LRP12: variants seen among roughly 807,000 people sequenced by gnomAD.
The protein encoded by LRP12 is low-density lipoprotein receptor-related protein 12.
A neutral mutation model predicts 66.0 loss-of-function variants in LRP12; 14 were observed. The observed-to-expected ratio is 0.21, with a 90% CI of 0.14 to 0.33. The LOEUF (loss-of-function observed/expected upper bound fraction) is 0.33, where lower values mean the gene tolerates loss of function less well. LRP12 is among the 10% of genes least tolerant of loss of function. The pLI is 1.00. For missense variants in LRP12, 889 were observed against 1,053.4 expected, an observed-to-expected ratio of 0.84 and a Z score of 2.16; for synonymous variants, 357 against 359.1, an observed-to-expected ratio of 0.99 and a Z score of 0.07.
chr8:104,540,339 A>T (rs1811456592), intron 1 of LRP12, among the ~76,000 whole-genome samples: 1 of 152,044 alleles, frequency 6.6e-6, no homozygotes, highest in African/African-American at 2.4e-5. Context: ...TGTTTAAACC[A>T]CCCAGTCTGT....
chr8:104,586,021 A>G (rs1304451854), intron 1 of LRP12, among the ~76,000 whole-genome samples: 1 of 152,190 alleles, frequency 6.6e-6, no homozygotes, highest in African/African-American at 2.4e-5. Flanking sequence ...GGTTGTCACC[A>G]CTGATATTTT....
Position 104,490,765 on chromosome 8 carries a change from C to A in LRP12, c.2488G>T (p.Gly830Cys). The A allele has an allele frequency of 3.1e-6, 5 of 1,614,040 alleles. No individual in the cohort carries two copies. Among genetic ancestry groups the A allele is most frequent in the Non-Finnish European group, 4.2e-6 (5 of 1,179,998 alleles). The change falls in exon 7 of 7, where the codon GGT becomes TGT. Residue 830 changes from glycine (G) to cysteine (C), a missense_variant. By Grantham distance (159) the Gly-to-Cys change is radical. Transcript: ENST00000276654. ...SNRDGPCERC[G>C]IVHTAQIPDT... ...GGTATCTGGGCAGTGTGGACAATACCACAGCGCTCACAGGGGCCATCTCGA... is the reference window on the plus strand; with the variant it reads ...GGTATCTGGGCAGTGTGGACAATACAACAGCGCTCACAGGGGCCATCTCGA...
intron 1 of LRP12, among the ~76,000 whole-genome samples, chr8:104,545,031 G>A (rs1255576660): frequency 2.0e-5 from 3 of 152,122 alleles, no homozygotes; most frequent in Non-Finnish European, 4.4e-5. Flanking sequence ...TGATTCCATT[G>A]GAGGTCAATG....
intron 2 of LRP12, among the ~76,000 whole-genome samples, chr8:104,525,562 T>C (rs1015412322): frequency 1.3e-5 from 2 of 152,172 alleles, no homozygotes; most frequent in Non-Finnish European, 2.9e-5. Flanking sequence ...ATACTATGCC[T>C]AATAAGAAAA....
chr8:104,497,236 C>T lies in LRP12; in HGVS notation c.1316G>A (p.Cys439Tyr). 1 of 1,613,694 alleles carries T rather than the reference C, an allele frequency of 6.2e-7. No homozygotes were observed. The change falls in exon 5 of 7, where the codon TGC (cysteine) becomes TAC (tyrosine). Residue 439 changes from cysteine (C) to tyrosine (Y), a missense_variant. By Grantham distance (194) the Cys-to-Tyr change is radical (BLOSUM62 -2). Transcript: ENST00000276654. This position sits in a 1 kb window ranked among gnomAD's most constrained non-coding sequence, Gnocchi z 4.3. ...GTTTTTTTCATCTGAGCCATTTGGGCAATGATTCTGGTAGTTGCAGCGATC... is the reference window on the plus strand; with the variant it reads ...GTTTTTTTCATCTGAGCCATTTGGGTAATGATTCTGGTAGTTGCAGCGATC... ...RSDRCNYQNH[C>Y]PNGSDEKNCF...
intron 2 of LRP12, among the ~76,000 whole-genome samples, chr8:104,525,694 TA>T (rs1811223992): frequency 6.6e-6 from 1 of 152,134 alleles, no homozygotes; most frequent in Non-Finnish European, 1.5e-5. Flanking sequence ...CCATATTATA[TA>T]AGAGCTATGA....
chr8:104,588,970 ACGCCGCCGCCGCCGCCGCCGCCGC>A lies in LRP12; in HGVS notation c.-97_-74del. 1.2e-5 allele frequency: 7 copies of A among 600,566 alleles called. 1 individual carries two copies. The Admixed American group carries it at 1.7e-4, about 15-fold the overall frequency. 37.2% of individuals were successfully genotyped at this position (600,566 alleles called of 1,614,324 possible). On this transcript the variant is annotated 5_prime_UTR_variant, in exon 1 of 7. Coordinates refer to ENST00000276654, the MANE Select transcript of LRP12 (RefSeq NM_013437.5). ...GAGAAGCTGGAGGTAGACGACGCCGACGCCGCCGCCGCCGCCGCCGCCGCCGCCGAGCCACCGGCTGCTCCCTGC... is the reference window on the plus strand; with the variant it reads ...GAGAAGCTGGAGGTAGACGACGCCGACGCCGAGCCACCGGCTGCTCCCTGC...
chr8:104,509,073 A>G lies in LRP12; in HGVS notation c.138T>C (p.Ala46=). The G allele has an allele frequency of 1.2e-6, 2 of 1,612,570 alleles. No individual in the cohort carries two copies. The highest frequency in any genetic ancestry group is 1.7e-6 in the Non-Finnish European group (2 of 1,179,204). ...ENVHISGVST[A]CGETPEQIRA... is the part of the protein sequence containing the mutation. ...GTATTTGCTCTGGAGTCTCTCCACAAGCTGGAAGATAGCCAAAGCAATCTT... is the reference window on the plus strand; with the variant it reads ...GTATTTGCTCTGGAGTCTCTCCACAGGCTGGAAGATAGCCAAAGCAATCTT... Residue 46 remains alanine, a splice_region_variant and synonymous_variant, in exon 3 of 7, where the codon GCT becomes GCC. Coordinates refer to ENST00000276654, the MANE Select transcript of LRP12 (RefSeq NM_013437.5).
intron 1 of LRP12, among the ~76,000 whole-genome samples, chr8:104,577,278 G>A (rs897208270): frequency 6.6e-6 from 1 of 152,116 alleles, no homozygotes; most frequent in African/African-American, 2.4e-5. Context: ...GAATATACAT[G>A]TTTCTCATTG....
intron 1 of LRP12, among the ~76,000 whole-genome samples, chr8:104,583,798 G>A (rs1007026177): frequency 6.6e-6 from 1 of 152,084 alleles, no homozygotes; most frequent in Admixed American, 6.6e-5. Flanking sequence ...ATATCTGACA[G>A]GATTGCCAAA....
At chr8:104,501,164 T>C (rs538091803) in intron 3 of LRP12, among the ~76,000 whole-genome samples, 2 of 152,292 alleles carry the variant, frequency 1.3e-5, no homozygotes, top group African/African-American at 4.8e-5. Flanking sequence ...GGGGCATGTA[T>C]GTTATGTGAG....
At chr8:104,503,010 C>A (rs963711157) in intron 3 of LRP12, among the ~76,000 whole-genome samples, 10 of 152,004 alleles carry the variant, frequency 6.6e-5, no homozygotes, top group East Asian at 1.9e-4. Flanking sequence ...CAAGGTGAAA[C>A]CCTATCTCTA....
rs1039554955 is a variant in LRP12, at chr8:104,548,026, T to C, written c.80-16063A>G. Among the ~76,000 whole-genome samples the C allele has an allele frequency of 5.7e-5, 7 of 122,816 alleles. 1 individual carries two copies. The highest frequency in any genetic ancestry group is 1.8e-4 in the African/African-American group (6 of 32,956). The allele number at this position is 122,816 out of a possible 152,430, so 80.6% of individuals were successfully genotyped here. On this transcript the variant is annotated intron_variant, in intron 1 of 6. Transcript: ENST00000276654. ...TATAATATATAATTGTTATATTTTG[T>C]ATATAATATATAATTCTGTTATATT...
Position 104,491,181 on chromosome 8 carries a change from G to A in LRP12, c.2072C>T (p.Ala691Val), listed in dbSNP as rs1469233348. ...ACTCTGAGTTGAGGAACTTGCACAT[G>A]CTCCTACTGTCGCTTCTACTGCCGT... The part of the protein sequence containing the change: ...PTTAVEATVG[A>V]CASSSTQSTR... The change falls in exon 7 of 7, where the codon GCA becomes GTA. Residue 691 changes from alanine (A) to valine (V), a missense_variant. By Grantham distance (64) the Ala-to-Val change is moderately conservative. Transcript: ENST00000276654. 6.2e-7 allele frequency: 1 copy of A among 1,614,064 alleles called. No individual in the cohort carries two copies. The highest frequency in any genetic ancestry group is 8.5e-7 in the Non-Finnish European group (1 of 1,180,026).
At chr8:104,520,074 C>T (rs71520893) in intron 2 of LRP12, among the ~76,000 whole-genome samples, 10,483 of 151,516 alleles carry the variant, frequency 0.069, 411 homozygotes, top group South Asian at 0.079. Flanking sequence ...AAAAACGGGT[C>T]ATAGCACAGT....
intron 6 of LRP12, 63 bp downstream of exon 6, chr8:104,495,014 T>C (rs1467012603): frequency 5.5e-5 from 82 of 1,495,476 alleles, no homozygotes; most frequent in Non-Finnish European, 4.1e-5. Context: ...TGCTTTATCA[T>C]ATATACAGGC....
chr8:104,527,851 A>G (rs1009712633), intron 2 of LRP12, among the ~76,000 whole-genome samples: 3 of 152,140 alleles, frequency 2.0e-5, no homozygotes, highest in Non-Finnish European at 4.4e-5. Flanking sequence ...AAGAAAAAAA[A>G]AGACCATATT....
intron 3 of LRP12, chr8:104,508,365 T>G (rs1414323655): frequency 6.6e-6 from 1 of 152,236 alleles, no homozygotes; most frequent in Non-Finnish European, 1.5e-5. Flanking sequence ...CTTAGAATCT[T>G]AAACTTACAG....
At chr8:104,550,859 T>A (rs112504010) in intron 1 of LRP12, among the ~76,000 whole-genome samples, 19 of 152,246 alleles carry the variant, frequency 1.2e-4, no homozygotes, top group African/African-American at 4.3e-4. Flanking sequence ...CTACTTTTGG[T>A]CTCACAACTC....
Sources: allele counts gnomAD v4.1 joint callset (sites outside exome capture counted in the v4.1 genomes callset), GRCh38; gene constraint gnomAD v4.1.1; non-coding constraint Gnocchi (gnomAD v3.1); transcripts MANE v1.5; gene names NCBI Gene and HGNC (gene_info 2026-07-23, HGNC 2026-07-21).